NRG1: variants seen among roughly 807,000 people sequenced by gnomAD.
NRG1 encodes pro-neuregulin-1, membrane-bound isoform.
NRG1 carries 18 observed loss-of-function variants against 63.8 expected under a neutral mutation model. That is an observed-to-expected ratio of 0.28 (90% CI 0.19 to 0.42). NRG1 has a LOEUF of 0.42. Ranked by LOEUF, NRG1 falls within the 10% of genes least tolerant of loss-of-function variation. NRG1 has a pLI of 1.00. For synonymous variants in NRG1, 302 were observed against 301.3 expected (o/e 1.00, Z -0.02); for missense variants, 762 against 814.7 (o/e 0.94, Z 0.79).
chr8:31,718,981 C>T (rs1812635628), intron 1 of NRG1, among the ~76,000 whole-genome samples: 1 of 152,038 alleles, frequency 6.6e-6, no homozygotes, highest in Non-Finnish European at 1.5e-5. Context: ...TTTGGATATT[C>T]CAGTCAGTGG....
At chr8:31,763,567 T>A (rs1373604628) in intron 1 of NRG1, among the ~76,000 whole-genome samples, 1 of 152,178 alleles carries the variant, frequency 6.6e-6, no homozygotes, top group Non-Finnish European at 1.5e-5. Context: ...AAGTAATGGT[T>A]CTTCTATTAA....
intron 1 of NRG1, among the ~76,000 whole-genome samples, chr8:31,710,224 A>G (rs767962732): frequency 2.6e-5 from 4 of 151,680 alleles, no homozygotes; most frequent in Non-Finnish European, 4.4e-5. Flanking sequence ...CAGTTTTATC[A>G]ATTTCTATAT....
At chr8:32,658,829 G>A (rs543364561) in intron 5 of NRG1, among the ~76,000 whole-genome samples, 1 of 152,284 alleles carries the variant, frequency 6.6e-6, no homozygotes, top group South Asian at 2.1e-4. Context: ...TTAAACATTT[G>A]TATTAAACAT....
At chr8:32,084,791 T>C (rs1827977397) in intron 1 of NRG1, among the ~76,000 whole-genome samples, 1 of 152,152 alleles carries the variant, frequency 6.6e-6, no homozygotes, top group Non-Finnish European at 1.5e-5. Context: ...ACAGCCCTGC[T>C]TCAAGGAGAG....
At chr8:32,041,249 CACA>C (rs1819984451) in intron 1 of NRG1, among the ~76,000 whole-genome samples, 1 of 152,124 alleles carries the variant, frequency 6.6e-6, no homozygotes, top group South Asian at 2.1e-4. Context: ...ACAACTTACA[CACA>C]ACAAGATTTC....
intron 3 of NRG1, among the ~76,000 whole-genome samples, chr8:32,611,891 T>A (rs981084062): frequency 2.6e-5 from 4 of 152,118 alleles, no homozygotes; most frequent in African/African-American, 7.2e-5. Flanking sequence ...ATGATCATGA[T>A]GAAATTGCAA....
At chr8:31,997,066 CTG>C (rs1184663802) in intron 1 of NRG1, among the ~76,000 whole-genome samples, 5 of 151,698 alleles carry the variant, frequency 3.3e-5, no homozygotes, top group East Asian at 1.9e-4. Context: ...AAAATTGAAA[CTG>C]AGAGTTTTTC....
chr8:32,650,562 A>AG (rs1854824330), intron 5 of NRG1, among the ~76,000 whole-genome samples: 1 of 150,398 alleles, frequency 6.6e-6, no homozygotes, highest in Non-Finnish European at 1.5e-5. Flanking sequence ...AGTGTTTGAA[A>AG]GGGATTGGTC....
At chr8:31,715,566 TAAC>T (rs1474638958) in intron 1 of NRG1, among the ~76,000 whole-genome samples, 1 of 152,324 alleles carries the variant, frequency 6.6e-6, no homozygotes, top group Non-Finnish European at 1.5e-5. Context: ...AATTTGTTCT[TAAC>T]AGTGCAATTT....
intron 1 of NRG1, among the ~76,000 whole-genome samples, chr8:31,643,839 C>G (rs1255770139): frequency 6.6e-6 from 1 of 152,096 alleles, no homozygotes; most frequent in Non-Finnish European, 1.5e-5. Context: ...AAGCTGATTT[C>G]CAAAAAGGAG....
chr8:32,650,655 C>CAAA lies in NRG1; in HGVS notation c.502+33794_502+33796dup, dbSNP rs59103241. Among the ~76,000 whole-genome samples, 26 of 57,822 alleles carry CAAA rather than the reference C, an allele frequency of 4.5e-4. 2 individuals are homozygous for CAAA. Among genetic ancestry groups the CAAA allele is most frequent in the African/African-American group, 1.7e-3 (24 of 13,772 alleles). The allele number at this position is 57,822 out of a possible 152,430, so 37.9% of individuals were successfully genotyped here. On this transcript the variant is annotated intron_variant, in intron 5 of 11. Transcript: ENST00000356819. Reference sequence around the variant, plus strand: ...GTTGTAACCACTAATTAATGGAAAGCAAAAAAAAAAAAAAAAAAAAAAAAA... The same window carrying CAAA: ...GTTGTAACCACTAATTAATGGAAAGCAAAAAAAAAAAAAAAAAAAAAAAAAAAA...
At chr8:32,108,451 C>A (rs567673641) in intron 1 of NRG1, among the ~76,000 whole-genome samples, 1 of 152,290 alleles carries the variant, frequency 6.6e-6, no homozygotes, top group African/African-American at 2.4e-5. Context: ...ACTGCCAAGC[C>A]TCTTTTATAG....
intron 1 of NRG1, among the ~76,000 whole-genome samples, chr8:32,236,072 C>T (rs937938308): frequency 5.9e-5 from 9 of 151,966 alleles, no homozygotes; most frequent in Non-Finnish European, 1.2e-4. Context: ...ACAGAGTCTA[C>T]TATCAGAATC....
chr8:32,225,645 T>C (rs533867141), intron 1 of NRG1, among the ~76,000 whole-genome samples: 1 of 152,256 alleles, frequency 6.6e-6, no homozygotes, highest in East Asian at 1.9e-4. Context: ...CAATATCTGT[T>C]AAATATACTA....
chr8:31,986,861 A>G lies in NRG1; in HGVS notation c.37+347430A>G, dbSNP rs184352694. 1.3e-3 allele frequency among the ~76,000 whole-genome samples: 193 copies of G among 152,230 alleles called. 1 individual carries two copies. Among genetic ancestry groups the G allele is most frequent in the Non-Finnish European group, 1.6e-3 (111 of 68,002 alleles). On this transcript the variant is annotated intron_variant, in intron 1 of 10. Transcript: ENST00000519301. ...TTTCAACCTGAGGTATGGTTTACTAAATTAGGAGAAACATACAAAAGTTTG... is the reference window on the plus strand; with the variant it reads ...TTTCAACCTGAGGTATGGTTTACTAGATTAGGAGAAACATACAAAAGTTTG...
At chr8:32,083,224 C>A (rs16878769) in intron 1 of NRG1, among the ~76,000 whole-genome samples, 9,067 of 152,226 alleles carry the variant, frequency 0.06, 797 homozygotes, top group African/African-American at 0.19. Context: ...TGAATAATAC[C>A]AGGTGATGGT....
intron 5 of NRG1, among the ~76,000 whole-genome samples, chr8:32,697,612 A>G (rs755635880): frequency 8.5e-5 from 13 of 152,224 alleles, no homozygotes; most frequent in Non-Finnish European, 1.8e-4. Flanking sequence ...AAAAGAGAGA[A>G]CTAATTAATT....
At chr8:32,124,760 C>CAA (rs1435213417) in intron 1 of NRG1, among the ~76,000 whole-genome samples, 2 of 151,850 alleles carry the variant, frequency 1.3e-5, no homozygotes, top group Non-Finnish European at 2.9e-5. Flanking sequence ...TCAAAGGCAA[C>CAA]AAAAGTTATC....
chr8:31,943,862 G>A (rs1213832732), intron 1 of NRG1, among the ~76,000 whole-genome samples: 3 of 152,166 alleles, frequency 2.0e-5, no homozygotes, highest in African/African-American at 7.2e-5. Flanking sequence ...CAACAAGTTC[G>A]CATACTGTGC....
Sources: allele counts gnomAD v4.1 joint callset (sites outside exome capture counted in the v4.1 genomes callset), GRCh38; gene constraint gnomAD v4.1.1; transcripts MANE v1.5; gene names NCBI Gene and HGNC (gene_info 2026-07-23, HGNC 2026-07-21).